The following EXOC6B variants were observed in gnomAD, a reference collection of about 807,000 sequenced individuals.
The protein encoded by EXOC6B is exocyst complex component 6B, also known as SEC15 homolog B.
Under a neutral mutation model 113.5 loss-of-function variants are expected in EXOC6B, and 54 were observed. That is an observed-to-expected ratio of 0.48 (90% CI 0.38 to 0.60). The LOEUF is 0.60. Ranked by LOEUF, EXOC6B falls within the 20% of genes least tolerant of loss-of-function variation. The pLI is 0.00. For synonymous variants in EXOC6B, 357 were observed against 339.0 expected (o/e 1.05, Z -0.58); for missense variants, 797 against 977.5 (o/e 0.82, Z 2.46).
intron 20 of EXOC6B, among the ~76,000 whole-genome samples, chr2:72,306,685 C>T (rs182814306): frequency 3.0e-3 from 458 of 152,040 alleles, no homozygotes; most frequent in Non-Finnish European, 4.6e-3. Flanking sequence ...AGTTTTATGA[C>T]CCTCGTTGTA....
intron 1 of EXOC6B, among the ~76,000 whole-genome samples, chr2:72,795,493 G>A (rs946232299): frequency 2.2e-4 from 33 of 151,920 alleles, no homozygotes; most frequent in African/African-American, 6.5e-4. Flanking sequence ...GGAGAATGGC[G>A]TGAACCCGGG....
intron 19 of EXOC6B, among the ~76,000 whole-genome samples, chr2:72,369,981 C>T (rs1026412991): frequency 4.6e-5 from 7 of 152,208 alleles, no homozygotes; most frequent in Middle Eastern, 3.4e-3. Flanking sequence ...ACACCAAAAG[C>T]GATGGCAACA....
At chr2:72,778,580 A>G (rs941389460) in intron 1 of EXOC6B, among the ~76,000 whole-genome samples, 4 of 152,176 alleles carry the variant, frequency 2.6e-5, no homozygotes, top group African/African-American at 9.6e-5. Flanking sequence ...CATTTCATAC[A>G]CTGGTGAGGA....
chr2:72,527,641 A>G (rs1701804843), intron 8 of EXOC6B, among the ~76,000 whole-genome samples: 2 of 151,992 alleles, frequency 1.3e-5, no homozygotes, highest in African/African-American at 4.8e-5. Flanking sequence ...AGAAATTGCC[A>G]AATTGTTTTC....
chr2:72,752,529 C>T (rs959343830), intron 1 of EXOC6B, among the ~76,000 whole-genome samples: 3 of 150,556 alleles, frequency 2.0e-5, no homozygotes, highest in Non-Finnish European at 3.0e-5. Flanking sequence ...GCATCCTTTC[C>T]CTTCCCTTTC....
chr2:72,624,719 G>A (rs181516047), intron 6 of EXOC6B, among the ~76,000 whole-genome samples: 1 of 152,196 alleles, frequency 6.6e-6, no homozygotes, highest in South Asian at 2.1e-4. Flanking sequence ...GCACTCCAGC[G>A]TAGATGACAG....
intron 6 of EXOC6B, among the ~76,000 whole-genome samples, chr2:72,599,880 TA>T (rs1670303039): frequency 6.6e-6 from 1 of 150,918 alleles, no homozygotes; most frequent in African/African-American, 2.4e-5. Context: ...AAACTGTTAT[TA>T]AAAAGACCAA....
rs1261097679 is a variant in EXOC6B at position 72,436,440 on chromosome 2, G to A, written c.1980+28720C>T. On this transcript the variant is annotated intron_variant, in intron 18 of 21. Transcript: ENST00000272427. ...TCTGTATTTCCTGAATTTGAATGCT[G>A]GCCTGTCTTGCTAGGTTGGGGAAGT... is the stretch of plus-strand genomic sequence containing the variant. Among the ~76,000 whole-genome samples the A allele has an allele frequency of 3.9e-5, 6 of 152,098 alleles. No individual in the cohort carries two copies. In the East Asian group the frequency reaches 5.8e-4, roughly 15 times the overall value.
At chr2:72,350,362 T>C (rs1030995063) in intron 19 of EXOC6B, among the ~76,000 whole-genome samples, 1 of 152,216 alleles carries the variant, frequency 6.6e-6, no homozygotes, top group African/African-American at 2.4e-5. Context: ...ATATAGAATT[T>C]TAATGTAAAG....
chr2:72,287,999 A>T (rs780479342), intron 20 of EXOC6B, among the ~76,000 whole-genome samples: 9 of 152,170 alleles, frequency 5.9e-5, no homozygotes, highest in Non-Finnish European at 8.8e-5. Flanking sequence ...TATGCAAGGA[A>T]ATCCAATAGA....
At chr2:72,364,472 G>A (rs1406566265) in intron 19 of EXOC6B, among the ~76,000 whole-genome samples, 1 of 152,124 alleles carries the variant, frequency 6.6e-6, no homozygotes, top group Non-Finnish European at 1.5e-5. Flanking sequence ...AAGTCTGAAA[G>A]GTTATTACAA....
chr2:72,383,015 T>C (rs1173435082), intron 18 of EXOC6B, among the ~76,000 whole-genome samples: 1 of 152,170 alleles, frequency 6.6e-6, no homozygotes, highest in African/African-American at 2.4e-5. Flanking sequence ...AAGACTTAAA[T>C]GTAAAACCTA....
At position 72,496,706 on chromosome 2, in the gene EXOC6B, T is replaced by C. The variant is rs1700053846; in HGVS notation, c.1338-147A>G. 1.7e-5 allele frequency: 11 copies of C among 651,508 alleles called. No homozygotes were observed. The South Asian group carries it at 1.9e-4, about 11-fold the overall frequency. The allele number at this position is 651,508 out of a possible 1,614,324, so 40.4% of individuals were successfully genotyped here. On this transcript the variant is annotated intron_variant, in intron 13 of 21. Coordinates refer to ENST00000272427, the MANE Select transcript of EXOC6B (RefSeq NM_015189.3). ...TATATGCCACAACCCAAAATGAACATTTCCCAGTCCCTATTATATTCCTTC... is the reference window on the plus strand; with the variant it reads ...TATATGCCACAACCCAAAATGAACACTTCCCAGTCCCTATTATATTCCTTC...
intron 1 of EXOC6B, among the ~76,000 whole-genome samples, chr2:72,751,544 G>A (rs567519161): frequency 6.6e-6 from 1 of 152,168 alleles, no homozygotes; most frequent in Admixed American, 6.6e-5. Context: ...GAGAGGAAGG[G>A]TCCATTGAGA....
At chr2:72,690,074 T>C (rs1033003329) in intron 6 of EXOC6B, among the ~76,000 whole-genome samples, 12 of 152,324 alleles carry the variant, frequency 7.9e-5, no homozygotes, top group Non-Finnish European at 8.8e-5. Flanking sequence ...AGAGCACTTA[T>C]TTTTCTGCCT....
intron 6 of EXOC6B, among the ~76,000 whole-genome samples, chr2:72,580,135 ATTTTTTTTTTTTTT>A (rs1205164863): frequency 2.1e-5 from 2 of 93,764 alleles, no homozygotes; most frequent in Non-Finnish European, 4.2e-5. Flanking sequence ...AGAAATAAGA[ATTTTTTTTTTTTTT>A]TTTTTTTTTT....
chr2:72,671,791 G>GAAAGAA (rs1553464074), intron 6 of EXOC6B, among the ~76,000 whole-genome samples: 2,331 of 107,282 alleles, frequency 0.022, 62 homozygotes, highest in African/African-American at 0.043. Flanking sequence ...AAGAAAGAAA[G>GAAAGAA]AAAGAAAGAA....
chr2:72,482,951 A>G (rs1352511911), intron 16 of EXOC6B, among the ~76,000 whole-genome samples: 2 of 152,210 alleles, frequency 1.3e-5, no homozygotes, highest in African/African-American at 4.8e-5. Flanking sequence ...CTAGATCTCT[A>G]TATTTTCCCC....
chr2:72,333,546 C>T (rs983715455), intron 20 of EXOC6B, among the ~76,000 whole-genome samples: 1 of 152,050 alleles, frequency 6.6e-6, no homozygotes, highest in African/African-American at 2.4e-5. Flanking sequence ...AACCAAAATC[C>T]CAATCTTTCA....
Sources: allele counts gnomAD v4.1 joint callset (sites outside exome capture counted in the v4.1 genomes callset), GRCh38; gene constraint gnomAD v4.1.1; transcripts MANE v1.5; gene names NCBI Gene and HGNC (gene_info 2026-07-23, HGNC 2026-07-21).